Variants in ROBO2 observed in about 807,000 individuals in gnomAD.
The protein encoded by ROBO2 is roundabout homolog 2.
A neutral mutation model predicts 160.8 loss-of-function variants in ROBO2; 53 were observed. That is an observed-to-expected ratio of 0.33 (90% CI 0.26 to 0.41). The LOEUF is 0.41. Ranked by LOEUF, ROBO2 falls within the 10% of genes least tolerant of loss-of-function variation. The pLI is 1.00. For synonymous variants in ROBO2, 664 were observed against 611.7 expected (o/e 1.09, Z -1.26); for missense variants, 1,577 against 1,722.4 (o/e 0.92, Z 1.49).
intron 2 of ROBO2, among the ~76,000 whole-genome samples, chr3:76,314,231 T>A (rs915439460): frequency 3.3e-5 from 5 of 152,168 alleles, no homozygotes; most frequent in Non-Finnish European, 7.4e-5. Context: ...AGTTTGCATT[T>A]ATGATAAACT....
At chr3:76,885,941 G>A (rs1298705335) in intron 2 of ROBO2, among the ~76,000 whole-genome samples, 1 of 152,154 alleles carries the variant, frequency 6.6e-6, no homozygotes, top group Admixed American at 6.5e-5. Context: ...CAGGTGAGGA[G>A]CGGGGGAGGG....
Position 76,986,232 on chromosome 3 carries a change from C to A in ROBO2, c.110-111782C>A, listed in dbSNP as rs1578061940. On this transcript the variant is annotated intron_variant, in intron 2 of 26. Transcript: ENST00000487694. ...GCTATATAGTACGCATTGATCGATA[C>A]AATTTATAAAAATCTAAGTTACATA... Among the ~76,000 whole-genome samples the A allele has an allele frequency of 3.9e-5, 6 of 152,170 alleles. No homozygotes were observed. In the South Asian group the frequency reaches 1.2e-3, roughly 32 times the overall value.
intron 2 of ROBO2, among the ~76,000 whole-genome samples, chr3:76,939,141 T>C (rs1340298546): frequency 6.6e-6 from 1 of 152,148 alleles, no homozygotes; most frequent in Non-Finnish European, 1.5e-5. Flanking sequence ...TGCATGACTC[T>C]GAGTAAGATA....
At chr3:76,267,085 G>A (rs562981892) in intron 2 of ROBO2, among the ~76,000 whole-genome samples, 1 of 152,220 alleles carries the variant, frequency 6.6e-6, no homozygotes, top group East Asian at 1.9e-4. Context: ...TATTTCAGAT[G>A]ATGTAGAAAG....
At chr3:76,819,096 G>A (rs2065913127) in intron 2 of ROBO2, among the ~76,000 whole-genome samples, 1 of 152,030 alleles carries the variant, frequency 6.6e-6, no homozygotes, top group Non-Finnish European at 1.5e-5. Flanking sequence ...GTTACGGGAA[G>A]GGCAATGGAG....
At chr3:76,079,530 C>T (rs1295680646) in intron 2 of ROBO2, among the ~76,000 whole-genome samples, 1 of 146,812 alleles carries the variant, frequency 6.8e-6, no homozygotes, top group Non-Finnish European at 1.5e-5. Flanking sequence ...GTCGCCCAAG[C>T]TGGAGTGCAG....
chr3:77,098,928 A>C (rs1214056752), intron 2 of ROBO2, among the ~76,000 whole-genome samples: 1 of 152,144 alleles, frequency 6.6e-6, no homozygotes, highest in Non-Finnish European at 1.5e-5. Context: ...CCTTGTTGTC[A>C]TGTACGTCTT....
Position 77,375,796 on chromosome 3 carries a change from T to G in ROBO2, c.389-101618T>G, listed in dbSNP as rs1055272314. On this transcript the variant is annotated intron_variant, in intron 2 of 25. Coordinates refer to ENST00000461745, the Ensembl canonical transcript of ROBO2. Reference sequence around the variant, plus strand: ...ATAGACTGTACTGCAGCCCTACCCCTTTCCCACAACTGTTCACTGCTCACA... The same window carrying G: ...ATAGACTGTACTGCAGCCCTACCCCGTTCCCACAACTGTTCACTGCTCACA... 2.0e-5 allele frequency among the ~76,000 whole-genome samples: 3 copies of G among 149,664 alleles called. No homozygotes were observed. In the East Asian group the frequency reaches 5.8e-4, roughly 29 times the overall value.
At chr3:76,041,819 A>T (rs542803423) in intron 2 of ROBO2, among the ~76,000 whole-genome samples, 3 of 151,882 alleles carry the variant, frequency 2.0e-5, no homozygotes, top group Admixed American at 2.0e-4. Flanking sequence ...TGGCTTTTGG[A>T]AATAAAGACG....
intron 2 of ROBO2, among the ~76,000 whole-genome samples, chr3:76,390,826 A>G (rs2077114169): frequency 6.6e-6 from 1 of 152,092 alleles, no homozygotes; most frequent in African/African-American, 2.4e-5. Context: ...TGGATTAGTC[A>G]TATCCCATCA....
intron 2 of ROBO2, among the ~76,000 whole-genome samples, chr3:76,448,387 A>C (rs1353221454): frequency 1.3e-5 from 2 of 152,128 alleles, no homozygotes; most frequent in Non-Finnish European, 2.9e-5. Context: ...CAGTGTTCTC[A>C]TGGTTTCCTG....
intron 2 of ROBO2, among the ~76,000 whole-genome samples, chr3:76,149,502 G>A (rs200644001): frequency 6.6e-6 from 1 of 151,134 alleles, no homozygotes; most frequent in East Asian, 2.0e-4. Context: ...TCATCTGTCT[G>A]AAGCACACAT....
rs2095180055 is a variant in ROBO2 at position 77,632,323 on chromosome 3, A to C, written c.3761-2547A>C. The C allele has an allele frequency of 7.0e-6, 4 of 567,676 alleles. No homozygotes were observed. In the South Asian group the frequency reaches 1.4e-4, roughly 19 times the overall value. The allele number at this position is 567,676 out of a possible 1,614,324, so 35.2% of individuals were successfully genotyped here. ...ATTCTTCTGCACAAAAAATGTTTAAAATGTACATGATACTTGCATTTGGCT... is the reference window on the plus strand; with the variant it reads ...ATTCTTCTGCACAAAAAATGTTTAACATGTACATGATACTTGCATTTGGCT... On this transcript the variant is annotated intron_variant, in intron 23 of 25. Coordinates refer to ENST00000461745, the Ensembl canonical transcript of ROBO2.
At chr3:76,705,891 G>A (rs923638898) in intron 2 of ROBO2, among the ~76,000 whole-genome samples, 2 of 152,070 alleles carry the variant, frequency 1.3e-5, no homozygotes, top group Non-Finnish European at 2.9e-5. Flanking sequence ...GATTAGAATG[G>A]CGGGTGAACA....
At chr3:77,412,591 G>A (rs2076889305) in intron 2 of ROBO2, among the ~76,000 whole-genome samples, 1 of 152,180 alleles carries the variant, frequency 6.6e-6, no homozygotes, top group Admixed American at 6.5e-5. Flanking sequence ...AATCAGAAAG[G>A]ATTTGCTCCT....
intron 2 of ROBO2, among the ~76,000 whole-genome samples, chr3:77,403,558 C>A: frequency 6.9e-6 from 1 of 144,406 alleles, no homozygotes; most frequent in Non-Finnish European, 1.5e-5. Flanking sequence ...TTTTTAAAGT[C>A]TGAATAGTTA....
At chr3:76,929,784 T>C (rs1204993748) in intron 2 of ROBO2, among the ~76,000 whole-genome samples, 1 of 151,906 alleles carries the variant, frequency 6.6e-6, no homozygotes, top group Non-Finnish European at 1.5e-5. Context: ...GAGACTCCAC[T>C]GTGTGTGGAT....
intron 2 of ROBO2, among the ~76,000 whole-genome samples, chr3:75,937,914 G>A (rs1258974553): frequency 2.1e-5 from 3 of 141,068 alleles, no homozygotes; most frequent in Non-Finnish European, 4.6e-5. Flanking sequence ...TGTGTTTTGG[G>A]TGGGCGGGTA....
At chr3:76,582,908 A>G (rs1039241331) in intron 2 of ROBO2, among the ~76,000 whole-genome samples, 11 of 151,914 alleles carry the variant, frequency 7.2e-5, no homozygotes, top group African/African-American at 1.7e-4. Context: ...TGACAGCTCT[A>G]TTTTTATTTA....
Sources: allele counts gnomAD v4.1 joint callset (sites outside exome capture counted in the v4.1 genomes callset), GRCh38; gene constraint gnomAD v4.1.1; transcripts MANE v1.5; gene names NCBI Gene and HGNC (gene_info 2026-07-23, HGNC 2026-07-21).